Variants in GPC6 observed in about 807,000 individuals in gnomAD.
GPC6 encodes glypican-6.
GPC6 carries 14 observed loss-of-function variants against 55.2 expected under a neutral mutation model. The observed-to-expected ratio is 0.25, with a 90% confidence interval of 0.17 to 0.40. GPC6 has a LOEUF of 0.40. Ranked by LOEUF, GPC6 falls within the 10% of genes least tolerant of loss-of-function variation. The pLI, the probability that GPC6 is intolerant of heterozygous loss-of-function variation, is 1.00. For missense variants in GPC6, 641 were observed against 708.5 expected, an observed-to-expected ratio of 0.90 and a Z score of 1.08; for synonymous variants, 278 against 259.6, an observed-to-expected ratio of 1.07 and a Z score of -0.68.
intron 2 of GPC6, among the ~76,000 whole-genome samples, chr13:93,627,311 T>C (rs970155931): frequency 2.0e-5 from 3 of 152,306 alleles, no homozygotes; most frequent in East Asian, 3.9e-4. Flanking sequence ...GCTTCATCCA[T>C]GTCCCTGCAA....
intron 7 of GPC6, among the ~76,000 whole-genome samples, chr13:94,390,107 A>G (rs575994472): frequency 6.6e-6 from 1 of 152,374 alleles, no homozygotes; most frequent in South Asian, 2.1e-4. Flanking sequence ...AGTCACTCTC[A>G]TCACAGAGTG....
At chr13:93,888,387 G>A (rs1875467813) in intron 3 of GPC6, among the ~76,000 whole-genome samples, 1 of 152,168 alleles carries the variant, frequency 6.6e-6, no homozygotes, top group South Asian at 2.1e-4. Context: ...CTACAGATAT[G>A]ATGCCTCTTG....
intron 1 of GPC6, among the ~76,000 whole-genome samples, chr13:93,432,108 G>A (rs893999035): frequency 2.0e-5 from 3 of 152,050 alleles, no homozygotes; most frequent in African/African-American, 7.2e-5. Context: ...ATTCAGAATG[G>A]GACAGAAGTT....
intron 1 of GPC6, among the ~76,000 whole-genome samples, chr13:93,281,656 A>G (rs1413094602): frequency 6.6e-6 from 1 of 152,134 alleles, no homozygotes; most frequent in African/African-American, 2.4e-5. Flanking sequence ...TGTGCCAAAG[A>G]TACAAAAAAA....
At chr13:93,396,423 C>A (rs1392106218) in intron 1 of GPC6, among the ~76,000 whole-genome samples, 1 of 151,920 alleles carries the variant, frequency 6.6e-6, no homozygotes, top group Non-Finnish European at 1.5e-5. Flanking sequence ...ATTAACCAGG[C>A]GTGGTGGCGG....
rs147656685 is a variant in GPC6 at position 93,842,291 on chromosome 13, T to C, written c.711+11746T>C. 4.1e-4 allele frequency among the ~76,000 whole-genome samples: 62 copies of C among 152,280 alleles called. 1 individual carries two copies. The highest frequency in any genetic ancestry group is 1.4e-3 in the African/African-American group (58 of 41,572). ...CAACTGTGCTTGCAATAAAGCATTT[T>C]ATTGGAAAGACAAACCTTACGATAT... is the stretch of plus-strand genomic sequence containing the variant. On this transcript the variant is annotated intron_variant, in intron 3 of 8. Transcript: ENST00000377047.
intron 1 of GPC6, among the ~76,000 whole-genome samples, chr13:93,257,768 C>G (rs1877004143): frequency 6.6e-6 from 1 of 152,100 alleles, no homozygotes. Flanking sequence ...TTCTAAAGCC[C>G]ACATACAAAA....
intron 1 of GPC6, among the ~76,000 whole-genome samples, chr13:93,278,455 C>A (rs1877837114): frequency 6.6e-6 from 1 of 152,132 alleles, no homozygotes; most frequent in African/African-American, 2.4e-5. Flanking sequence ...CCCTTGGCAA[C>A]CACCTTTCTC....
intron 6 of GPC6, among the ~76,000 whole-genome samples, chr13:94,353,822 TA>T (rs1478950902): frequency 2.6e-5 from 4 of 152,184 alleles, no homozygotes; most frequent in African/African-American, 9.7e-5. Flanking sequence ...CTTGCTTCAA[TA>T]ATTAAGAAGT....
At chr13:93,322,694 C>T (rs1594095833) in intron 1 of GPC6, among the ~76,000 whole-genome samples, 2 of 152,218 alleles carry the variant, frequency 1.3e-5, no homozygotes, top group East Asian at 3.9e-4. Context: ...CCCGCCTCAG[C>T]CTCCCAAAGT....
At chr13:93,467,465 C>T (rs967440356) in intron 1 of GPC6, among the ~76,000 whole-genome samples, 1 of 151,842 alleles carries the variant, frequency 6.6e-6, no homozygotes, top group African/African-American at 2.4e-5. Flanking sequence ...GGATGACTGT[C>T]ATACCCACTG....
intron 1 of GPC6, among the ~76,000 whole-genome samples, chr13:93,404,662 G>A (rs1011190408): frequency 6.6e-6 from 1 of 152,024 alleles, no homozygotes; most frequent in Non-Finnish European, 1.5e-5. Context: ...ACATAGTCAG[G>A]AAAAATTTTG....
chr13:93,586,167 G>T (rs761622029), intron 2 of GPC6, among the ~76,000 whole-genome samples: 1 of 152,022 alleles, frequency 6.6e-6, no homozygotes. Flanking sequence ...ATGTGTCCAT[G>T]TGTTCTCATC....
intron 3 of GPC6, among the ~76,000 whole-genome samples, chr13:93,877,756 T>C (rs1335180306): frequency 1.3e-5 from 2 of 152,032 alleles, no homozygotes. Flanking sequence ...GTTAGAAGAG[T>C]TGTAAATTTA....
At chr13:93,960,830 T>C (rs1879737326) in intron 3 of GPC6, among the ~76,000 whole-genome samples, 1 of 149,806 alleles carries the variant, frequency 6.7e-6, no homozygotes, top group African/African-American at 2.5e-5. Context: ...TTTTTTTTTT[T>C]GAGACAGAGT....
At chr13:93,286,647 G>A (rs966112276) in intron 1 of GPC6, among the ~76,000 whole-genome samples, 7 of 152,194 alleles carry the variant, frequency 4.6e-5, no homozygotes, top group Admixed American at 1.3e-4. Flanking sequence ...TCTTATCAGA[G>A]TGGTCTGACC....
chr13:93,604,295 T>A (rs1246312800), intron 2 of GPC6, among the ~76,000 whole-genome samples: 1 of 152,242 alleles, frequency 6.6e-6, no homozygotes, highest in Non-Finnish European at 1.5e-5. Flanking sequence ...GAGCATTCAT[T>A]TATTCACTCA....
At chr13:93,327,518 T>C (rs7992679) in intron 1 of GPC6, among the ~76,000 whole-genome samples, 67,614 of 151,888 alleles carry the variant, frequency 0.45, 17,142 homozygotes, top group East Asian at 0.91. Flanking sequence ...CGTTAATAGA[T>C]TGAAACCTCA....
At chr13:94,268,709 C>T (rs908972569) in intron 4 of GPC6, among the ~76,000 whole-genome samples, 6 of 151,874 alleles carry the variant, frequency 4.0e-5, no homozygotes, top group South Asian at 4.2e-4. Flanking sequence ...GGCATAGGTA[C>T]GTAAAGAAAA....
Sources: gnomAD v4.1 joint callset for allele counts (sites outside exome capture counted in the v4.1 genomes callset) on GRCh38, gnomAD v4.1.1 for gene constraint, MANE v1.5 for transcripts, NCBI Gene and HGNC (gene_info 2026-07-23, HGNC 2026-07-21) for gene names.